Variants in FSTL5 observed in about 807,000 individuals in gnomAD.
The protein encoded by FSTL5 is follistatin-related protein 5.
In FSTL5, 62 loss-of-function variants were observed where a neutral mutation model predicts 89.1. That is an observed-to-expected ratio of 0.70 (90% CI 0.57 to 0.86). The LOEUF is 0.86. Among genes scored for constraint, FSTL5 ranks in the 40% least tolerant of loss-of-function variants. The probability of loss-of-function intolerance (pLI) is 0.00; values close to 1 mark genes in which losing one functional copy is unlikely to be tolerated. For synonymous variants in FSTL5, 383 were observed against 346.2 expected, an observed-to-expected ratio of 1.11 and a Z score of -1.18; for missense variants, 1,057 against 1,001.6, an observed-to-expected ratio of 1.06 and a Z score of -0.75.
chr4:161,766,296 T>TTTTAC (rs4065062), intron 5 of FSTL5, among the ~76,000 whole-genome samples: 150,949 of 152,098 alleles, frequency 0.99, 74,914 homozygotes, highest in Middle Eastern at 1. Flanking sequence ...GTTAGTACCA[T>TTTTAC]TTCAAGTCCT....
rs376252178 is a variant in FSTL5, at chr4:161,785,059, G to T, written c.410-8985C>A. On this transcript the variant is annotated intron_variant, in intron 4 of 15. Transcript: ENST00000306100. ...CATTTAATCTTTATAATGACACTAA[G>T]AAGTAAATGTCATTTGCCATAGCAT... Among the ~76,000 whole-genome samples the T allele has an allele frequency of 7.9e-5, 12 of 152,184 alleles. No individual in the cohort carries two copies. The East Asian group carries it at 1.5e-3, about 20-fold the overall frequency.
intron 7 of FSTL5, among the ~76,000 whole-genome samples, chr4:161,605,070 G>A (rs1734389097): frequency 6.6e-6 from 1 of 152,144 alleles, no homozygotes; most frequent in South Asian, 2.1e-4. Context: ...CAACTATGTG[G>A]TTTACTGCAG....
intron 4 of FSTL5, among the ~76,000 whole-genome samples, chr4:161,913,777 G>C (rs983152272): frequency 6.6e-6 from 1 of 152,130 alleles, no homozygotes; most frequent in South Asian, 2.1e-4. Context: ...GGACTTGCTT[G>C]GGCCCTGTAA....
At chr4:161,469,466 A>G (rs559819876) in intron 13 of FSTL5, among the ~76,000 whole-genome samples, 1 of 152,126 alleles carries the variant, frequency 6.6e-6, no homozygotes, top group East Asian at 1.9e-4. Flanking sequence ...GCCAAAACTT[A>G]TTTTTTGTTT....
chr4:161,870,468 T>G (rs1400171435), intron 4 of FSTL5, among the ~76,000 whole-genome samples: 1 of 152,150 alleles, frequency 6.6e-6, no homozygotes, highest in Non-Finnish European at 1.5e-5. Context: ...TAATTTAATC[T>G]TGGCTTCTAA....
intron 2 of FSTL5, among the ~76,000 whole-genome samples, chr4:162,079,574 C>A (rs2111329845): frequency 6.6e-6 from 1 of 151,524 alleles, no homozygotes; most frequent in South Asian, 2.1e-4. Flanking sequence ...CTTAAACTCG[C>A]ATATGTAAAT....
At chr4:161,709,020 G>A (rs1037188472) in intron 6 of FSTL5, among the ~76,000 whole-genome samples, 1 of 152,018 alleles carries the variant, frequency 6.6e-6, no homozygotes, top group African/African-American at 2.4e-5. Flanking sequence ...AGTACTGATT[G>A]TTTAAAATCT....
chr4:162,144,533 CA>C (rs1579062100), intron 1 of FSTL5, among the ~76,000 whole-genome samples: 1 of 152,054 alleles, frequency 6.6e-6, no homozygotes, highest in East Asian at 1.9e-4. Flanking sequence ...AGTATGGAAT[CA>C]AACTCAACTT....
At chr4:161,557,564 AT>A (rs1732434520) in intron 8 of FSTL5, among the ~76,000 whole-genome samples, 1 of 151,734 alleles carries the variant, frequency 6.6e-6, no homozygotes, top group Admixed American at 6.6e-5. Flanking sequence ...AATGCATGTG[AT>A]TTTTAATGTA....
chr4:162,111,510 A>T (rs1387704042), intron 1 of FSTL5, 98 bp from the exon 2 acceptor site: 2 of 953,570 alleles, frequency 2.1e-6, no homozygotes, highest in African/African-American at 3.3e-5. Context: ...ATCTCCATTA[A>T]TCTAATCAAA....
At chr4:161,745,220 TTGA>T (rs1171220130) in intron 6 of FSTL5, among the ~76,000 whole-genome samples, 2 of 152,076 alleles carry the variant, frequency 1.3e-5, no homozygotes, top group Non-Finnish European at 2.9e-5. Context: ...AAGTAGTAAC[TTGA>T]TGAGTTCAGT....
chr4:161,513,919 A>C (rs1730733378), intron 10 of FSTL5, among the ~76,000 whole-genome samples: 1 of 152,144 alleles, frequency 6.6e-6, no homozygotes, highest in Admixed American at 6.6e-5. Flanking sequence ...TAATCTGTAC[A>C]ACAAACCCCC....
intron 8 of FSTL5, among the ~76,000 whole-genome samples, chr4:161,581,649 C>T (rs776811410): frequency 5.3e-5 from 8 of 152,316 alleles, no homozygotes; most frequent in South Asian, 4.1e-4. Context: ...TTGTGTCTTT[C>T]GTACAGATGT....
chr4:161,459,744 T>C (rs1032423062), intron 13 of FSTL5, among the ~76,000 whole-genome samples: 3 of 151,982 alleles, frequency 2.0e-5, no homozygotes, highest in Non-Finnish European at 4.4e-5. Flanking sequence ...ACTATTAGAT[T>C]TATTTTATCC....
chr4:161,713,071 A>C (rs1248345187), intron 6 of FSTL5, among the ~76,000 whole-genome samples: 1 of 152,168 alleles, frequency 6.6e-6, no homozygotes, highest in African/African-American at 2.4e-5. Flanking sequence ...CCATGTCCAG[A>C]CAAAGTAAGT....
At chr4:161,979,762 C>T (rs1429351745) in intron 3 of FSTL5, among the ~76,000 whole-genome samples, 1 of 152,150 alleles carries the variant, frequency 6.6e-6, no homozygotes, top group East Asian at 1.9e-4. Flanking sequence ...TCTATTGCTG[C>T]CCAAACCTGG....
intron 4 of FSTL5, among the ~76,000 whole-genome samples, chr4:161,863,077 T>C (rs2126892060): frequency 6.6e-6 from 1 of 152,318 alleles, no homozygotes; most frequent in East Asian, 1.9e-4. Context: ...AGTCTTCCAT[T>C]TTTCTATCAG....
At chr4:162,013,646 G>C (rs1736832713) in intron 3 of FSTL5, among the ~76,000 whole-genome samples, 1 of 152,156 alleles carries the variant, frequency 6.6e-6, no homozygotes, top group African/African-American at 2.4e-5. Context: ...AGGTTTTACA[G>C]GTTGGGATCA....
At chr4:161,408,812 A>G (rs564829339) in intron 15 of FSTL5, among the ~76,000 whole-genome samples, 1 of 152,344 alleles carries the variant, frequency 6.6e-6, no homozygotes, top group East Asian at 1.9e-4. Flanking sequence ...GAAGTTGAGG[A>G]AAGAATCTCA....
Sources: gnomAD v4.1 joint callset for allele counts (sites outside exome capture counted in the v4.1 genomes callset) on GRCh38, gnomAD v4.1.1 for gene constraint, MANE v1.5 for transcripts, NCBI Gene and HGNC (gene_info 2026-07-23, HGNC 2026-07-21) for gene names.